Variants in ATXN7L1 observed in about 807,000 individuals in gnomAD.
ATXN7L1 encodes ataxin-7-like protein 1.
ATXN7L1 carries 15 observed loss-of-function variants against 70.8 expected under a neutral mutation model. The ratio of observed to expected loss-of-function variants is 0.21; its 90% CI spans 0.14 to 0.33. The LOEUF (loss-of-function observed/expected upper bound fraction) is 0.33. ATXN7L1 is among the 10% of genes least tolerant of loss of function. The probability of loss-of-function intolerance (pLI) is 1.00; values close to 1 mark genes in which losing one functional copy is unlikely to be tolerated. For synonymous variants in ATXN7L1, 440 were observed against 445.1 expected, an observed-to-expected ratio of 0.99 and a Z score of 0.14; for missense variants, 975 against 1,097.1, an observed-to-expected ratio of 0.89 and a Z score of 1.57.
chr7:105,796,798 A>G (rs1806056534), intron 2 of ATXN7L1, among the ~76,000 whole-genome samples: 1 of 152,190 alleles, frequency 6.6e-6, no homozygotes, highest in Non-Finnish European at 1.5e-5. Context: ...GCAATATACA[A>G]AGATGTTTCT....
At chr7:105,799,153 C>T (rs1806426986) in intron 2 of ATXN7L1, among the ~76,000 whole-genome samples, 1 of 152,208 alleles carries the variant, frequency 6.6e-6, no homozygotes, top group Non-Finnish European at 1.5e-5. Context: ...TAAAGAAGCC[C>T]TCCTGCGGTG....
rs28927677 is a variant in ATXN7L1, at chr7:105,788,641, G to C, written c.318C>G (p.Asn106Lys). The C allele has an allele frequency of 8.0e-3, 12,872 of 1,613,974 alleles. 60 individuals carry two copies. Among genetic ancestry groups the C allele is most frequent in the Middle Eastern group, 0.014 (84 of 6,062 alleles). ...DFYLVVCSAC[N>K]QVVKPQVFQS... ...GGAAAACCTGTGGCTTGACGACCTG[G>C]TTACAGGCACTGCACACTACGAGAT... is the stretch of plus-strand genomic sequence containing the variant. The change falls in exon 3 of 12, where the codon AAC becomes AAG. Residue 106 changes from asparagine to lysine, a missense_variant. By Grantham distance (94) the Asn-to-Lys change is moderately conservative. This residue lies in a region of ATXN7L1 where 7 missense variants were observed against 24.9 expected (regional missense o/e 0.28). Coordinates refer to ENST00000419735, the MANE Select transcript of ATXN7L1 (RefSeq NM_020725.2).
At chr7:105,775,006 T>C (rs908190045) in intron 3 of ATXN7L1, among the ~76,000 whole-genome samples, 2 of 152,190 alleles carry the variant, frequency 1.3e-5, no homozygotes, top group Non-Finnish European at 2.9e-5. Context: ...AATGGTTGCT[T>C]TCTCTGGAAA....
At chr7:105,633,341 T>C (rs978982101) in intron 7 of ATXN7L1, among the ~76,000 whole-genome samples, 1 of 152,210 alleles carries the variant, frequency 6.6e-6, no homozygotes, top group Non-Finnish European at 1.5e-5. Context: ...CAAAGACATG[T>C]TCCAGGATGA....
At chr7:105,809,946 A>T (rs905142977) in intron 2 of ATXN7L1, among the ~76,000 whole-genome samples, 1 of 151,952 alleles carries the variant, frequency 6.6e-6, no homozygotes, top group Non-Finnish European at 1.5e-5. Context: ...AATTTTTTAA[A>T]TTTTTTGTAG....
At chr7:105,868,215 G>GC (rs1267870349) in intron 2 of ATXN7L1, among the ~76,000 whole-genome samples, 9 of 151,984 alleles carry the variant, frequency 5.9e-5, no homozygotes, top group Non-Finnish European at 2.9e-5. Context: ...CCTCAGTGAG[G>GC]CCCCCCCACC....
chr7:105,868,096 C>T (rs770302682), intron 2 of ATXN7L1, among the ~76,000 whole-genome samples: 2 of 150,320 alleles, frequency 1.3e-5, no homozygotes, highest in South Asian at 2.1e-4. Flanking sequence ...TTATCCCTGT[C>T]GTTTCCTCTA....
chr7:105,788,581 C>A, intron 3 of ATXN7L1, 23 bp downstream of exon 3: 1 of 1,576,882 alleles, frequency 6.3e-7, no homozygotes, highest in Non-Finnish European at 8.7e-7. Context: ...CAGATGTGGC[C>A]GACGGTGCAG....
chr7:105,773,903 T>C (rs890763560), intron 3 of ATXN7L1, among the ~76,000 whole-genome samples: 4 of 152,110 alleles, frequency 2.6e-5, no homozygotes, highest in African/African-American at 9.7e-5. Flanking sequence ...GATAGGACCG[T>C]AGTTCTTCAG....
Position 105,614,681 on chromosome 7 carries a change from C to T in ATXN7L1, c.1653G>A (p.Arg551=). 1 of 1,551,632 alleles carries T rather than the reference C, an allele frequency of 6.4e-7. No homozygotes were observed. Among genetic ancestry groups the T allele is most frequent in the Non-Finnish European group, 8.7e-7 (1 of 1,146,992 alleles). Residue 551 remains arginine (R), a synonymous_variant, in exon 10 of 12, where the codon AGG becomes AGA. Transcript: ENST00000419735. This position sits in a 1 kb window ranked among gnomAD's most constrained non-coding sequence, Gnocchi z 4.3. ...ATGTCATTATGTAAGAAGAGGTGAGCCTCGAGCTGATGGGAGCTGAAGGAA... is the reference window on the plus strand; with the variant it reads ...ATGTCATTATGTAAGAAGAGGTGAGTCTCGAGCTGATGGGAGCTGAAGGAA... ...VYLPSAPISS[R]LTSSYIMTSA...
Position 105,845,853 on chromosome 7 carries a change from A to G in ATXN7L1, c.250+29959T>C, listed in dbSNP as rs182319768. Among the ~76,000 whole-genome samples the G allele has an allele frequency of 4.7e-4, 71 of 152,328 alleles. 1 individual carries two copies. The highest frequency in any genetic ancestry group is 1.6e-3 in the African/African-American group (68 of 41,574). On this transcript the variant is annotated intron_variant, in intron 2 of 11. Coordinates refer to ENST00000419735, the MANE Select transcript of ATXN7L1 (RefSeq NM_020725.2). ...TGAGACAACTGGATAGCCACATGAA[A>G]AAGAATTTTGGCCCCTACTTCACAC...
At chr7:105,858,434 C>T (rs59864610) in intron 2 of ATXN7L1, among the ~76,000 whole-genome samples, 2,683 of 152,230 alleles carry the variant, frequency 0.018, 40 homozygotes, top group East Asian at 0.066. Flanking sequence ...TTGAAAATGA[C>T]CATCCTACAA....
At chr7:105,732,545 C>T (rs1417161353) in intron 3 of ATXN7L1, among the ~76,000 whole-genome samples, 1 of 152,122 alleles carries the variant, frequency 6.6e-6, no homozygotes, top group African/African-American at 2.4e-5. Flanking sequence ...GATTTAGCAG[C>T]TTGGGACCAT....
chr7:105,839,615 CAGAGG>C (rs1035320901), intron 2 of ATXN7L1, among the ~76,000 whole-genome samples: 17 of 152,162 alleles, frequency 1.1e-4, no homozygotes, highest in Non-Finnish European at 2.2e-4. Context: ...TCATGATACC[CAGAGG>C]AGAGGAAGAA....
intron 3 of ATXN7L1, among the ~76,000 whole-genome samples, chr7:105,696,014 G>C (rs1488536243): frequency 6.6e-6 from 1 of 152,194 alleles, no homozygotes; most frequent in East Asian, 1.9e-4. Flanking sequence ...ATGCAGAGGG[G>C]AGCCTGTCAG....
intron 9 of ATXN7L1, among the ~76,000 whole-genome samples, chr7:105,615,426 T>A (rs1272684626): frequency 6.6e-6 from 1 of 152,110 alleles, no homozygotes; most frequent in Non-Finnish European, 1.5e-5. Flanking sequence ...CTGCAGCCTC[T>A]GGTTCCCTCT....
At chr7:105,717,556 G>A (rs1244535575) in intron 3 of ATXN7L1, among the ~76,000 whole-genome samples, 1 of 152,070 alleles carries the variant, frequency 6.6e-6, no homozygotes, top group Admixed American at 6.6e-5. Flanking sequence ...ATGCTTGTAC[G>A]CAATTTGATT....
At chr7:105,685,444 G>A (rs1017885697) in intron 3 of ATXN7L1, among the ~76,000 whole-genome samples, 2 of 152,218 alleles carry the variant, frequency 1.3e-5, no homozygotes, top group African/African-American at 2.4e-5. Context: ...CTGACAGGAG[G>A]AACAGGTCTT....
At chr7:105,670,263 C>T (rs1475258386) in intron 3 of ATXN7L1, among the ~76,000 whole-genome samples, 1 of 152,162 alleles carries the variant, frequency 6.6e-6, no homozygotes, top group Non-Finnish European at 1.5e-5. Context: ...CATTCAGATA[C>T]AAGCCTTCAC....
Sources: allele counts gnomAD v4.1 joint callset (sites outside exome capture counted in the v4.1 genomes callset), GRCh38; gene constraint gnomAD v4.1.1; regional missense constraint gnomAD v4.1.1; non-coding constraint Gnocchi (gnomAD v3.1); transcripts MANE v1.5; gene names NCBI Gene and HGNC (gene_info 2026-07-23, HGNC 2026-07-21).